BBX: variants seen among roughly 807,000 people sequenced by gnomAD.
BBX encodes BBX high mobility group box domain containing, also known as HMG box transcription factor BBX.
A neutral mutation model predicts 100.2 loss-of-function variants in BBX; 30 were observed. The ratio of observed to expected loss-of-function variants is 0.30; its 90% confidence interval spans 0.22 to 0.41. BBX has a LOEUF of 0.41. BBX is among the 10% of genes least tolerant of loss of function. The probability of loss-of-function intolerance (pLI) is 1.00; values close to 1 mark genes in which losing one functional copy is unlikely to be tolerated. For synonymous variants in BBX, 376 were observed against 388.1 expected (o/e 0.97, Z 0.37); for missense variants, 1,023 against 1,129.8 (o/e 0.91, Z 1.35).
intron 2 of BBX, among the ~76,000 whole-genome samples, chr3:107,539,210 T>A (rs1201943083): frequency 6.6e-6 from 1 of 152,204 alleles, no homozygotes; most frequent in Non-Finnish European, 1.5e-5. Context: ...CATATAATTA[T>A]TGAGGACCCA....
At chr3:107,776,668 T>A (rs1263901381) in intron 12 of BBX, among the ~76,000 whole-genome samples, 2 of 152,178 alleles carry the variant, frequency 1.3e-5, no homozygotes, top group Admixed American at 1.3e-4. Flanking sequence ...ATTCTCTCAG[T>A]ATTGACAGAT....
chr3:107,720,392 A>C lies in BBX; in HGVS notation c.405+3543A>C, dbSNP rs531939133. 3.1e-3 allele frequency among the ~76,000 whole-genome samples: 468 copies of C among 152,094 alleles called. 1 individual carries two copies. Among genetic ancestry groups the C allele is most frequent in the Non-Finnish European group, 5.1e-3 (348 of 67,930 alleles). ...GGAGGGAAGTGGGTGGAAGTGGATCAGGAAAGCCTTTATAAAGTAGGCAGA... is the reference window on the plus strand; with the variant it reads ...GGAGGGAAGTGGGTGGAAGTGGATCCGGAAAGCCTTTATAAAGTAGGCAGA... On this transcript the variant is annotated intron_variant, in intron 5 of 17. Coordinates refer to ENST00000325805, the MANE Select transcript of BBX (RefSeq NM_001142568.3).
intron 5 of BBX, among the ~76,000 whole-genome samples, chr3:107,725,354 A>G (rs1262154542): frequency 6.6e-6 from 1 of 152,148 alleles, no homozygotes; most frequent in East Asian, 1.9e-4. Flanking sequence ...TCATCTGCAA[A>G]TAGGGACAAT....
At chr3:107,652,897 A>G (rs2057922892) in intron 3 of BBX, among the ~76,000 whole-genome samples, 1 of 152,178 alleles carries the variant, frequency 6.6e-6, no homozygotes, top group African/African-American at 2.4e-5. Context: ...CCTCTTCAAG[A>G]TGCTACAGGA....
intron 2 of BBX, among the ~76,000 whole-genome samples, chr3:107,624,926 C>T (rs1576051964): frequency 6.6e-6 from 1 of 152,254 alleles, no homozygotes. Context: ...TAGTTTGCTC[C>T]TGAATTTAGG....
chr3:107,735,192 C>A (rs949838670), intron 7 of BBX, among the ~76,000 whole-genome samples: 9 of 152,052 alleles, frequency 5.9e-5, no homozygotes, highest in African/African-American at 1.9e-4. Flanking sequence ...GCATTAGCAC[C>A]TGAATTTCTA....
intron 3 of BBX, among the ~76,000 whole-genome samples, chr3:107,674,056 T>C (rs146921618): frequency 3.1e-4 from 47 of 152,314 alleles, no homozygotes; most frequent in African/African-American, 1.1e-3. Context: ...ATGATAGAAT[T>C]TGACGCAAAC....
At chr3:107,780,610 C>G (rs1290971698) in intron 13 of BBX, among the ~76,000 whole-genome samples, 2 of 152,014 alleles carry the variant, frequency 1.3e-5, no homozygotes, top group Admixed American at 1.3e-4. Flanking sequence ...TGTGGGAAGT[C>G]TTCCAAGATG....
At chr3:107,689,461 T>A (rs987059550) in intron 3 of BBX, among the ~76,000 whole-genome samples, 4 of 152,230 alleles carry the variant, frequency 2.6e-5, no homozygotes, top group African/African-American at 9.6e-5. Context: ...TAGATGGAGA[T>A]GTGTGTGCTC....
chr3:107,634,886 A>G (rs1380705907), intron 2 of BBX, among the ~76,000 whole-genome samples: 2 of 152,186 alleles, frequency 1.3e-5, no homozygotes, highest in African/African-American at 2.4e-5. Context: ...TTTAAGTTAT[A>G]GCAAGTACTC....
intron 2 of BBX, among the ~76,000 whole-genome samples, chr3:107,571,816 G>A (rs2051388356): frequency 6.6e-6 from 1 of 152,220 alleles, no homozygotes; most frequent in Non-Finnish European, 1.5e-5. Context: ...AAGAGAGTCA[G>A]CCTCCTGTTT....
Position 107,566,202 on chromosome 3 carries a change from AG to A in BBX, c.-84+39805del, listed in dbSNP as rs1327310917. 4.5e-3 allele frequency among the ~76,000 whole-genome samples: 670 copies of A among 148,026 alleles called. 19 individuals carry two copies. The highest frequency in any genetic ancestry group is 0.016 in the African/African-American group (644 of 39,612). The stretch of plus-strand genomic sequence containing the variant: ...AAAAAAAAAAAAAAAAAAAAAAAAA[AG>A]ATAGTTTGTTGACCTAATCATGTCA... On this transcript the variant is annotated intron_variant, in intron 2 of 17. Transcript: ENST00000325805.
intron 17 of BBX, 106 bp from the exon 18 acceptor site, chr3:107,805,264 A>C: frequency 9.9e-7 from 1 of 1,007,816 alleles, no homozygotes; most frequent in Non-Finnish European, 1.4e-6. Flanking sequence ...AAGTAACAGC[A>C]GTAACTGTTA....
At chr3:107,536,020 A>G (rs572303493) in intron 2 of BBX, among the ~76,000 whole-genome samples, 4 of 152,378 alleles carry the variant, frequency 2.6e-5, no homozygotes, top group African/African-American at 4.8e-5. Flanking sequence ...GCAGTTCCAT[A>G]TTAGTGGAAA....
intron 4 of BBX, chr3:107,711,366 T>C (rs2061711578): frequency 2.1e-6 from 1 of 470,568 alleles, no homozygotes; most frequent in African/African-American, 2.0e-5. Context: ...TGGCACATAG[T>C]AGGTATTAAA....
intron 2 of BBX, among the ~76,000 whole-genome samples, chr3:107,624,876 G>T (rs2107703669): frequency 6.6e-6 from 1 of 152,046 alleles, no homozygotes; most frequent in East Asian, 1.9e-4. Context: ...ATCAAAAAAA[G>T]AAAAAATAAA....
At chr3:107,643,880 G>C (rs1412006628) in intron 2 of BBX, among the ~76,000 whole-genome samples, 1 of 152,120 alleles carries the variant, frequency 6.6e-6, no homozygotes, top group Non-Finnish European at 1.5e-5. Context: ...GCCTGTGATA[G>C]ACTTATCACA....
intron 3 of BBX, among the ~76,000 whole-genome samples, chr3:107,664,679 T>C (rs2058648525): frequency 6.6e-6 from 1 of 152,230 alleles, no homozygotes; most frequent in South Asian, 2.1e-4. Flanking sequence ...GAAAACCTTA[T>C]CATAAGAATA....
At chr3:107,630,509 T>C (rs1038587900) in intron 2 of BBX, among the ~76,000 whole-genome samples, 1 of 152,124 alleles carries the variant, frequency 6.6e-6, no homozygotes, top group Non-Finnish European at 1.5e-5. Context: ...TGACGTTCAG[T>C]TTTCAGATAG....
Sources: allele counts gnomAD v4.1 joint callset (sites outside exome capture counted in the v4.1 genomes callset), GRCh38; gene constraint gnomAD v4.1.1; transcripts MANE v1.5; gene names NCBI Gene and HGNC (gene_info 2026-07-23, HGNC 2026-07-21).